The following CCDC85C variants were observed in gnomAD, a reference collection of about 807,000 sequenced individuals.
CCDC85C encodes the protein coiled-coil domain-containing protein 85C.
A neutral mutation model predicts 38.3 loss-of-function variants in CCDC85C; 18 were observed. That is an observed-to-expected ratio of 0.47 (90% CI 0.33 to 0.70). The LOEUF (loss-of-function observed/expected upper bound fraction) is 0.70. Among genes scored for constraint, CCDC85C ranks in the 30% least tolerant of loss-of-function variants. The pLI, the probability that CCDC85C is intolerant of heterozygous loss-of-function variation, is 0.03. For missense variants in CCDC85C, 566 were observed against 621.2 expected (o/e 0.91, Z 0.94); for synonymous variants, 264 against 293.8 (o/e 0.90, Z 1.04).
At chr14:99,587,323 C>T (rs2055037592) in intron 1 of CCDC85C, among the ~76,000 whole-genome samples, 2 of 152,372 alleles carry the variant, frequency 1.3e-5, no homozygotes, top group South Asian at 2.1e-4. Flanking sequence ...AATTAACTGT[C>T]TACTAAAGCC....
At chr14:99,555,435 CCT>C (rs1897992682) in intron 1 of CCDC85C, among the ~76,000 whole-genome samples, 1 of 152,206 alleles carries the variant, frequency 6.6e-6, no homozygotes, top group Non-Finnish European at 1.5e-5. Context: ...CCACAGCTGT[CCT>C]ATGAGCACAC....
rs1048196687 is a variant in CCDC85C at position 99,507,342 on chromosome 14, G to A, written c.*7904C>T. 2.1e-5 allele frequency: 12 copies of A among 574,988 alleles called. No individual in the cohort carries two copies. Among genetic ancestry groups the A allele is most frequent in the East Asian group, 2.9e-5 (1 of 34,082 alleles). The allele number at this position is 574,988 out of a possible 1,614,324, so 35.6% of individuals were successfully genotyped here. A position where few individuals can be genotyped will look rare whatever the true frequency, so the allele number is the denominator to read the frequency against. ...TTTTGATCCCAGCACTTTGGGAGGC[G>A]GAGGCAGGAGAATCACCTGACCCCA... On this transcript the variant is annotated 3_prime_UTR_variant, in exon 6 of 6. Coordinates refer to ENST00000380243, the MANE Select transcript of CCDC85C (RefSeq NM_001144995.2).
chr14:99,543,635 T>C (rs1897754229), intron 1 of CCDC85C, among the ~76,000 whole-genome samples: 1 of 152,064 alleles, frequency 6.6e-6, no homozygotes, highest in Non-Finnish European at 1.5e-5. Context: ...GAAAGGCACA[T>C]AGGAGCTGAG....
chr14:99,549,182 C>T (rs1181686982), intron 1 of CCDC85C, among the ~76,000 whole-genome samples: 1 of 152,218 alleles, frequency 6.6e-6, no homozygotes, highest in Non-Finnish European at 1.5e-5. Flanking sequence ...TCTCATTATT[C>T]TCCAAGCTTA....
At chr14:99,528,169 G>A (rs187934794) in intron 2 of CCDC85C, among the ~76,000 whole-genome samples, 23 of 152,110 alleles carry the variant, frequency 1.5e-4, no homozygotes, top group Admixed American at 3.9e-4. Context: ...GCAGCCTCCC[G>A]ACCCCCACAA....
chr14:99,595,015 G>C (rs2055128270), intron 1 of CCDC85C, among the ~76,000 whole-genome samples: 1 of 152,198 alleles, frequency 6.6e-6, no homozygotes, highest in Non-Finnish European at 1.5e-5. Context: ...CTCTTGGAAA[G>C]TCCATCAGAA....
intron 2 of CCDC85C, among the ~76,000 whole-genome samples, chr14:99,525,475 T>G (rs1177137469): frequency 6.6e-6 from 1 of 152,194 alleles, no homozygotes; most frequent in African/African-American, 2.4e-5. Context: ...GTGGGGTGGC[T>G]GCAGGCAGGA....
intron 1 of CCDC85C, among the ~76,000 whole-genome samples, chr14:99,568,488 G>A (rs1409540536): frequency 2.0e-5 from 3 of 152,012 alleles, no homozygotes; most frequent in Non-Finnish European, 2.9e-5. Context: ...CTTCCTTGGG[G>A]GGTGGGAGGC....
intron 1 of CCDC85C, among the ~76,000 whole-genome samples, chr14:99,541,777 G>T (rs1897718227): frequency 6.6e-6 from 1 of 152,194 alleles, no homozygotes; most frequent in African/African-American, 2.4e-5. Flanking sequence ...CATCAACAGT[G>T]TCTGTGACCA....
At chr14:99,523,452 G>C (rs1897329619) in intron 2 of CCDC85C, among the ~76,000 whole-genome samples, 1 of 152,220 alleles carries the variant, frequency 6.6e-6, no homozygotes, top group Non-Finnish European at 1.5e-5. Context: ...TCAAGAGCTT[G>C]GCTCAAGGGC....
At position 99,534,266 on chromosome 14, in the gene CCDC85C, A is replaced by G. The variant is rs147342220; in HGVS notation, c.867+1749T>C. The stretch of plus-strand genomic sequence containing the variant: ...GCTACTCAGGAGGCTGAGGCAGGAG[A>G]ATTGCTTGAACCCGGGAGACAGAGG... On this transcript the variant is annotated intron_variant, in intron 2 of 5. Coordinates refer to ENST00000380243, the MANE Select transcript of CCDC85C (RefSeq NM_001144995.2). Among the ~76,000 whole-genome samples, 17 of 152,018 alleles carry G rather than the reference A, an allele frequency of 1.1e-4. No homozygotes were observed. In the East Asian group the frequency reaches 3.3e-3, roughly 30 times the overall value.
At chr14:99,522,530 G>A (rs930910151) in intron 2 of CCDC85C, 3 of 260,416 alleles carry the variant, frequency 1.2e-5, no homozygotes, top group Non-Finnish European at 2.2e-5. Flanking sequence ...CAGTGAGAGC[G>A]AGTGAGGAGA....
In CCDC85C at chr14:99,555,470, TCTC is replaced by T. The variant is rs754513023; in HGVS notation, c.794-19385_794-19383del. Among the ~76,000 whole-genome samples the T allele has an allele frequency of 3.3e-5, 5 of 152,116 alleles. No individual in the cohort carries two copies. The East Asian group carries it at 9.6e-4, about 29-fold the overall frequency. ...CACACACCTGGGCCTTCAAATCCCT[TCTC>T]CTCCCTGGCACACAGCCACTTTTTT... On this transcript the variant is annotated intron_variant, in intron 1 of 5. Transcript: ENST00000380243.
rs1259054454 is a variant in CCDC85C at position 99,535,987 on chromosome 14, A to G, written c.867+28T>C. 7 of 1,541,808 alleles carry G rather than the reference A, an allele frequency of 4.5e-6. No individual in the cohort carries two copies. The African/African-American group carries it at 9.6e-5, about 21-fold the overall frequency. ...GGGTGGGTGCTGGGTCGCGGTCCTC[A>G]AGGCAGCGCCACCCGAAGCCGGCCT... On this transcript the variant is annotated intron_variant, in intron 2 of 5. Transcript: ENST00000380243. This position sits in a 1 kb window ranked among gnomAD's most constrained non-coding sequence, Gnocchi z 5.5.
chr14:99,580,062 G>A (rs916056227), intron 1 of CCDC85C: 3 of 455,562 alleles, frequency 6.6e-6, no homozygotes, highest in African/African-American at 6.0e-5. Context: ...CCTTCCTCTT[G>A]GTCTCACATT....
intron 2 of CCDC85C, among the ~76,000 whole-genome samples, chr14:99,529,880 A>G (rs1897459545): frequency 6.6e-6 from 1 of 152,198 alleles, no homozygotes; most frequent in South Asian, 2.1e-4. Context: ...CGCCACCCTT[A>G]CCGCCAACCG....
rs1897196888 is a variant in CCDC85C at position 99,514,953 on chromosome 14, T to C, written c.*293A>G. 1.2e-5 allele frequency: 4 copies of C among 320,138 alleles called. No homozygotes were observed. Among genetic ancestry groups the C allele is most frequent in the Non-Finnish European group, 2.4e-5 (4 of 168,084 alleles). The allele number at this position is 320,138 out of a possible 1,614,324, so 19.8% of individuals were successfully genotyped here. A position where few individuals can be genotyped will look rare whatever the true frequency, so the allele number is the denominator to read the frequency against. On this transcript the variant is annotated 3_prime_UTR_variant, in exon 6 of 6. Transcript: ENST00000380243. ...GATCTCAGAAGCAGCCTGCAGCCTC[T>C]TGCTCATGGAGCCCAGGGCCCAGAG...
chr14:99,566,245 T>G (rs1312261155), intron 1 of CCDC85C, among the ~76,000 whole-genome samples: 1 of 152,242 alleles, frequency 6.6e-6, no homozygotes, highest in African/African-American at 2.4e-5. Context: ...AATGTCTTGT[T>G]GGCATTTACC....
chr14:99,559,058 T>C (rs1030943316), intron 1 of CCDC85C, among the ~76,000 whole-genome samples: 3 of 152,148 alleles, frequency 2.0e-5, no homozygotes, highest in African/African-American at 7.2e-5. Flanking sequence ...TCCGCCATGA[T>C]TGTACATTTC....
Sources: gnomAD v4.1 joint callset for allele counts (sites outside exome capture counted in the v4.1 genomes callset) on GRCh38, gnomAD v4.1.1 for gene constraint, Gnocchi (gnomAD v3.1) non-coding constraint, MANE v1.5 for transcripts, NCBI Gene and HGNC (gene_info 2026-07-23, HGNC 2026-07-21) for gene names.